NECTIN3: variants seen among roughly 807,000 people sequenced by gnomAD.
NECTIN3 encodes the protein nectin cell adhesion molecule 3.
Under a neutral mutation model 49.4 loss-of-function variants are expected in NECTIN3, and 8 were observed. The observed-to-expected ratio is 0.16, with a 90% confidence interval of 0.10 to 0.29. The LOEUF is 0.29. Among genes scored for constraint, NECTIN3 ranks in the 10% least tolerant of loss-of-function variants. The probability of loss-of-function intolerance (pLI) is 1.00; values close to 1 mark genes in which losing one functional copy is unlikely to be tolerated. For synonymous variants in NECTIN3, 277 were observed against 241.1 expected (o/e 1.15, Z -1.38); for missense variants, 581 against 654.6 (o/e 0.89, Z 1.23).
chr3:111,181,730 G>A (rs985355508), intron 7 of NECTIN3, among the ~76,000 whole-genome samples: 1 of 151,932 alleles, frequency 6.6e-6, no homozygotes, highest in African/African-American at 2.4e-5. Context: ...CAGCAGTAAT[G>A]TCACCTTTTT....
Position 111,134,298 on chromosome 3 carries a change from G to T in NECTIN3, c.*83G>T. ...TCAGATTGTTCATACTTTTTCTTGA[G>T]GAAGAATAAGCTTTTTCAAGTTGAT... is the stretch of plus-strand genomic sequence containing the variant. On this transcript the variant is annotated 3_prime_UTR_variant, in exon 6 of 6. Transcript: ENST00000485303. 1 of 1,469,716 alleles carries T rather than the reference G, an allele frequency of 6.8e-7. No homozygotes were observed. The highest frequency in any genetic ancestry group is 1.6e-5 in the South Asian group (1 of 64,156). The allele number at this position is 1,469,716 out of a possible 1,614,324, so 91.0% of individuals were successfully genotyped here.
At chr3:111,089,885 A>AT (rs1252800895) in intron 1 of NECTIN3, among the ~76,000 whole-genome samples, 1 of 151,666 alleles carries the variant, frequency 6.6e-6, no homozygotes, top group Non-Finnish European at 1.5e-5. Flanking sequence ...AGATTTGTCT[A>AT]TTTTTTCTTT....
In NECTIN3 at chr3:111,136,828, C is replaced by G. The variant is rs890324137; in HGVS notation, c.*2613C>G. On this transcript the variant is annotated 3_prime_UTR_variant, in exon 6 of 6. Coordinates refer to ENST00000485303, the MANE Select transcript of NECTIN3 (RefSeq NM_015480.3). ...TGATATAATGAAGATGAATGCAACTCTTATTTTTCTGCCATTTTTTATTAA... is the reference window on the plus strand; with the variant it reads ...TGATATAATGAAGATGAATGCAACTGTTATTTTTCTGCCATTTTTTATTAA... 24 of 956,060 alleles carry G rather than the reference C, an allele frequency of 2.5e-5. No individual in the cohort carries two copies. The highest frequency in any genetic ancestry group is 2.7e-5 in the Non-Finnish European group (22 of 803,452). 59.2% of individuals were successfully genotyped at this position (956,060 alleles called of 1,614,324 possible). A position where few individuals can be genotyped will look rare whatever the true frequency, so the allele number is the denominator to read the frequency against.
At chr3:111,073,026 TAAAAAAAAA>T (rs754143014) in intron 1 of NECTIN3, 1 of 93,054 alleles carries the variant, frequency 1.1e-5, no homozygotes, top group South Asian at 3.5e-4. Flanking sequence ...AGGACTGTGC[TAAAAAAAAA>T]AAAAAAAAAA....
chr3:111,085,056 T>C (rs965388187), intron 1 of NECTIN3, among the ~76,000 whole-genome samples: 9 of 152,364 alleles, frequency 5.9e-5, no homozygotes, highest in African/African-American at 2.2e-4. Flanking sequence ...CTTGGCCTAC[T>C]GCTGCATTAT....
At chr3:111,185,587 C>G (rs921927056) in intron 7 of NECTIN3, among the ~76,000 whole-genome samples, 1 of 152,040 alleles carries the variant, frequency 6.6e-6, no homozygotes, top group South Asian at 2.1e-4. Flanking sequence ...TTTACAGTGC[C>G]TTGTGGAGTT....
upstream of NECTIN3, among the ~76,000 whole-genome samples, chr3:111,191,221 C>A (rs1011768056): frequency 1.3e-5 from 2 of 152,172 alleles, no homozygotes; most frequent in African/African-American, 4.8e-5. Flanking sequence ...TTACCACTTA[C>A]CAGTTGTGTG....
At chr3:111,151,355 A>G (rs2034997035) in intron 7 of NECTIN3, among the ~76,000 whole-genome samples, 1 of 151,902 alleles carries the variant, frequency 6.6e-6, no homozygotes, top group Admixed American at 6.6e-5. Context: ...TAATATCCAT[A>G]TCACAGATAC....
At position 111,136,071 on chromosome 3, in the gene NECTIN3, T is replaced by C. The variant is rs2034564584; in HGVS notation, c.*1856T>C. ...GTGATTGATGTGACTTTATTTTTAA[T>C]TTAAACGATGAGGTGGCCAGAAGAA... On this transcript the variant is annotated 3_prime_UTR_variant, in exon 6 of 6. Transcript: ENST00000485303. The C allele has an allele frequency of 2.0e-6, 2 of 982,610 alleles. No individual in the cohort carries two copies. Among genetic ancestry groups the C allele is most frequent in the Non-Finnish European group, 2.4e-6 (2 of 827,762 alleles). The allele number at this position is 982,610 out of a possible 1,614,324, so 60.9% of individuals were successfully genotyped here. A position where few individuals can be genotyped will look rare whatever the true frequency, so the allele number is the denominator to read the frequency against.
Position 111,136,026 on chromosome 3 carries a change from A to G in NECTIN3, c.*1811A>G. ...CTTTTTAGTGCAAGTTTTTGGAAGA[A>G]AACTTTTTGATAAAACACTGTGATT... On this transcript the variant is annotated 3_prime_UTR_variant, in exon 6 of 6. Coordinates refer to ENST00000485303, the MANE Select transcript of NECTIN3 (RefSeq NM_015480.3). The G allele has an allele frequency of 1.0e-6, 1 of 977,998 alleles. No individual in the cohort carries two copies. 60.6% of individuals were successfully genotyped at this position (977,998 alleles called of 1,614,324 possible).
chr3:111,129,260 C>G (rs907825693), intron 5 of NECTIN3, among the ~76,000 whole-genome samples: 1 of 152,138 alleles, frequency 6.6e-6, no homozygotes, highest in Non-Finnish European at 1.5e-5. Context: ...CCTTCTCACC[C>G]CTTTGCTACT....
At chr3:111,102,780 CA>C (rs1176410070) in intron 1 of NECTIN3, among the ~76,000 whole-genome samples, 1 of 151,994 alleles carries the variant, frequency 6.6e-6, no homozygotes, top group Non-Finnish European at 1.5e-5. Context: ...TGTAGTTTTG[CA>C]TTTTATACTT....
chr3:111,137,659 T>TACATTTTGATA, downstream of NECTIN3: 1 of 224,896 alleles, frequency 4.4e-6, no homozygotes. Context: ...TTATTTTAAT[T>TACATTTTGATA]ATCAAAATGT....
In NECTIN3 at chr3:111,128,180, A is replaced by T. The variant is rs2034243239; in HGVS notation, c.1069+1845A>T. 2.0e-5 allele frequency among the ~76,000 whole-genome samples: 3 copies of T among 152,084 alleles called. No homozygotes were observed. The South Asian group carries it at 6.2e-4, about 32-fold the overall frequency. ...TGGTGAAAACCTGTCTCTACTAAAA[A>T]TACAAAAATTAGCCGGCATGGTGGT... On this transcript the variant is annotated intron_variant, in intron 5 of 5. Transcript: ENST00000485303.
chr3:111,076,604 T>C lies in NECTIN3; in HGVS notation c.160+4427T>C, dbSNP rs2031218576. 1.3e-5 allele frequency among the ~76,000 whole-genome samples: 2 copies of C among 152,144 alleles called. 1 individual carries two copies. The highest frequency in any genetic ancestry group is 2.9e-5 in the Non-Finnish European group (2 of 68,032). ...TTTAAATTGTTGAATCTGTATTCTT[T>C]ACTGAATTTTATAAAATTTATGCTT... On this transcript the variant is annotated intron_variant, in intron 1 of 5. Coordinates refer to ENST00000485303, the MANE Select transcript of NECTIN3 (RefSeq NM_015480.3).
chr3:111,155,098 C>A (rs2035071325), intron 7 of NECTIN3, among the ~76,000 whole-genome samples: 1 of 152,046 alleles, frequency 6.6e-6, no homozygotes, highest in Non-Finnish European at 1.5e-5. Context: ...CCACCAGGCC[C>A]AGCTAATTTT....
At chr3:111,188,802 G>T (rs1374498937), upstream of NECTIN3, among the ~76,000 whole-genome samples, 1 of 152,130 alleles carries the variant, frequency 6.6e-6, no homozygotes, top group East Asian at 1.9e-4. Context: ...TTAACCCAGG[G>T]TGTTCAGCAA....
At chr3:111,081,213 T>G (rs1270463545) in intron 1 of NECTIN3, among the ~76,000 whole-genome samples, 1 of 152,214 alleles carries the variant, frequency 6.6e-6, no homozygotes, top group Non-Finnish European at 1.5e-5. Context: ...CCCGGAAGGC[T>G]GAGGCTGTAG....
At chr3:111,122,786 A>T (rs1576131393) in intron 4 of NECTIN3, among the ~76,000 whole-genome samples, 1 of 151,876 alleles carries the variant, frequency 6.6e-6, no homozygotes, top group East Asian at 1.9e-4. Context: ...TACGTGCATA[A>T]TTTTCTTTCT....
Sources: allele counts gnomAD v4.1 joint callset (sites outside exome capture counted in the v4.1 genomes callset), GRCh38; gene constraint gnomAD v4.1.1; transcripts MANE v1.5; gene names NCBI Gene and HGNC (gene_info 2026-07-23, HGNC 2026-07-21).